The following EEIG1 variants were observed in gnomAD, a reference collection of about 807,000 sequenced individuals.
EEIG1 encodes early estrogen-induced gene 1 protein.
the EEIG1 span, among the ~76,000 whole-genome samples, chr9:127,980,946 C>CGCTGCAGCCAGAGCCCGAT: frequency 1.3e-5 from 2 of 149,304 alleles, no homozygotes; most frequent in Non-Finnish European, 3.0e-5. Flanking sequence ...GCGGCCCCGA[C>CGCTGCAGCCAGAGCCCGAT]GCTGCAGCCA....
At chr9:127,943,984 C>G in the EEIG1 span, 4 of 153,838 alleles carry the variant, frequency 2.6e-5, no homozygotes, top group Non-Finnish European at 5.8e-5. Flanking sequence ...CTCAGCAGCC[C>G]GCCTGTGGGA....
At chr9:127,948,426 G>A in the EEIG1 span, 1 of 1,613,942 alleles carries the variant, frequency 6.2e-7, no homozygotes, top group South Asian at 1.1e-5. Context: ...TGTGGCGAGG[G>A]GAGCAATCAG....
the EEIG1 span, among the ~76,000 whole-genome samples, chr9:127,955,945 T>C: frequency 1.3e-5 from 2 of 152,202 alleles, no homozygotes; most frequent in African/African-American, 4.8e-5. Context: ...CTGAGTGAAA[T>C]GAATCCTGCA....
At chr9:127,950,586 C>A in the EEIG1 span, 2 of 1,597,650 alleles carry the variant, frequency 1.3e-6, no homozygotes, top group Admixed American at 3.4e-5. Flanking sequence ...AGTGTGGGCT[C>A]CTGGCTGGCG....
At chr9:127,953,346 T>C in the EEIG1 span, 2 of 570,674 alleles carry the variant, frequency 3.5e-6, no homozygotes, top group Non-Finnish European at 3.1e-6. Flanking sequence ...GGACAGAAAC[T>C]GGCCCTTTTG....
chr9:127,979,905 G>T, the EEIG1 span: 1 of 1,459,840 alleles, frequency 6.9e-7, no homozygotes, highest in Non-Finnish European at 9.2e-7. Context: ...CCTCACACCG[G>T]CCCCAAGGGG....
At chr9:127,955,487 G>A in the EEIG1 span, among the ~76,000 whole-genome samples, 1 of 152,266 alleles carries the variant, frequency 6.6e-6, no homozygotes, top group Admixed American at 6.5e-5. Flanking sequence ...TGGTGTTGTG[G>A]GGCCTGTAGT....
At chr9:127,978,853 A>T in the EEIG1 span, among the ~76,000 whole-genome samples, 1 of 152,010 alleles carries the variant, frequency 6.6e-6, no homozygotes, top group Non-Finnish European at 1.5e-5. Flanking sequence ...AAACAAAATT[A>T]AAATTTAAAA....
the EEIG1 span, chr9:127,947,934 G>A: frequency 1.0e-6 from 1 of 994,040 alleles, no homozygotes; most frequent in Non-Finnish European, 1.5e-6. Flanking sequence ...GGTCTCATCA[G>A]CCCAGCAGGA....
the EEIG1 span, among the ~76,000 whole-genome samples, chr9:127,947,779 A>G: frequency 6.6e-6 from 1 of 152,242 alleles, no homozygotes; most frequent in South Asian, 2.1e-4. Flanking sequence ...GCAGGTAGAC[A>G]TGCATTTATC....
the EEIG1 span, among the ~76,000 whole-genome samples, chr9:127,956,451 C>T: frequency 6.6e-6 from 1 of 152,182 alleles, no homozygotes; most frequent in Non-Finnish European, 1.5e-5. Flanking sequence ...GCTCTCGTTG[C>T]CCAGGCTGGA....
At chr9:127,946,571 C>G in the EEIG1 span, among the ~76,000 whole-genome samples, 1 of 152,238 alleles carries the variant, frequency 6.6e-6, no homozygotes, top group Non-Finnish European at 1.5e-5. Flanking sequence ...TCAAGTCTCA[C>G]CCTGCCTGGG....
chr9:127,948,533 T>A, the EEIG1 span: 1 of 972,182 alleles, frequency 1.0e-6, no homozygotes, highest in Non-Finnish European at 1.6e-6. Context: ...CCTGTCTCTC[T>A]GCCCCCTCCT....
chr9:127,942,721 C>A, the EEIG1 span: 1 of 171,094 alleles, frequency 5.8e-6, no homozygotes, highest in East Asian at 1.7e-4. Context: ...ACCACCAGGG[C>A]AAGGGAACAA....
chr9:127,954,024 C>CCCCATTG, the EEIG1 span: 1 of 1,421,006 alleles, frequency 7.0e-7, no homozygotes, highest in Non-Finnish European at 9.7e-7. Flanking sequence ...GGGACTGAGG[C>CCCCATTG]GGTGGGAAGC....
the EEIG1 span, among the ~76,000 whole-genome samples, chr9:127,946,248 G>C: frequency 6.6e-6 from 1 of 152,252 alleles, no homozygotes; most frequent in Non-Finnish European, 1.5e-5. Flanking sequence ...GGTCAGCGGA[G>C]TTGGAGTGGA....
At chr9:127,943,184 C>A in the EEIG1 span, 2 of 1,614,048 alleles carry the variant, frequency 1.2e-6, no homozygotes, top group Non-Finnish European at 1.7e-6. Context: ...AGCCCGGACA[C>A]CTGCTCCTCA....
At chr9:127,951,375 C>T in the EEIG1 span, among the ~76,000 whole-genome samples, 5 of 152,134 alleles carry the variant, frequency 3.3e-5, no homozygotes, top group Admixed American at 6.5e-5. Flanking sequence ...TGAACCCAAC[C>T]GAACCAATCA....
the EEIG1 span, among the ~76,000 whole-genome samples, chr9:127,949,327 A>AAG: frequency 1.3e-5 from 2 of 151,424 alleles, no homozygotes; most frequent in Non-Finnish European, 3.0e-5. Context: ...AAAAAAAAAA[A>AAG]AAAAAGAAAG....
Sources: gnomAD v4.1 joint callset for allele counts (sites outside exome capture counted in the v4.1 genomes callset) on GRCh38, gnomAD v4.1.1 for gene constraint, MANE v1.5 for transcripts, NCBI Gene and HGNC (gene_info 2026-07-23, HGNC 2026-07-21) for gene names.